Variants in VPS4B observed in about 807,000 individuals in gnomAD.
VPS4B encodes the protein vacuolar protein sorting-associated protein 4B.
VPS4B carries 23 observed loss-of-function variants against 56.1 expected under a neutral mutation model. That is an observed-to-expected ratio of 0.41 (90% confidence interval 0.30 to 0.58). The LOEUF (loss-of-function observed/expected upper bound fraction) is 0.58, where lower values mean the gene tolerates loss of function less well. Among genes scored for constraint, VPS4B ranks in the 20% least tolerant of loss-of-function variants. The pLI is 0.29. For synonymous variants in VPS4B, 177 were observed against 186.0 expected (o/e 0.95, Z 0.39); for missense variants, 372 against 531.9 (o/e 0.70, Z 2.96).
chr18:63,410,176 C>T (rs1031754466), intron 3 of VPS4B, 114 bp downstream of exon 3: 5 of 1,368,366 alleles, frequency 3.7e-6, no homozygotes, highest in Non-Finnish European at 9.9e-7. Context: ...AAACAGGCAG[C>T]TGGGCAGCTT....
In VPS4B at chr18:63,399,220, G is replaced by A. The variant is rs1201437962; in HGVS notation, c.872+22C>T. 1.9e-6 allele frequency: 3 copies of A among 1,575,846 alleles called. No individual in the cohort carries two copies. The African/African-American group carries it at 4.1e-5, about 21-fold the overall frequency. On this transcript the variant is annotated intron_variant, in intron 8 of 10. Coordinates refer to ENST00000238497, the MANE Select transcript of VPS4B (RefSeq NM_004869.4). ...TTGTTACATCTGCAGTGAGAAATAA[G>A]ATATTTACTATATTATCCTACCTTC...
chr18:63,411,451 T>C lies in VPS4B; in HGVS notation c.139+16A>G, dbSNP rs1427405324. 3.4e-6 allele frequency: 5 copies of C among 1,472,334 alleles called. No individual in the cohort carries two copies. In the South Asian group the frequency reaches 7.1e-5, roughly 21 times the overall value. The allele number at this position is 1,472,334 out of a possible 1,614,324, so 91.2% of individuals were successfully genotyped here. ...CCTTTTCGTGTTTTTAAATAAAATA[T>C]AACCTATGGCCTCACATTTAACGAC... is the stretch of plus-strand genomic sequence containing the variant. On this transcript the variant is annotated intron_variant, in intron 2 of 10. Coordinates refer to ENST00000238497, the MANE Select transcript of VPS4B (RefSeq NM_004869.4).
At chr18:63,407,022 CCAT>C (rs1424311050) in intron 4 of VPS4B, among the ~76,000 whole-genome samples, 1 of 152,176 alleles carries the variant, frequency 6.6e-6, no homozygotes, top group African/African-American at 2.4e-5. Context: ...ACAAAATAAA[CCAT>C]CAATAAGTGA....
Position 63,397,176 on chromosome 18 carries a change from G to A in VPS4B, c.950C>T (p.Thr317Ile). Residue 317 changes from threonine (T) to isoleucine (I), a missense_variant, in exon 9 of 11, where the codon ACT becomes ATT. Transcript: ENST00000238497. Reference protein sequence around the residue: ...AAMFKLHLGTTQNSLTEADFR... With the variant: ...AAMFKLHLGTIQNSLTEADFR... ...GTCTGCTTCCGTGAGACTGTTCTGA[G>A]TGGTCCCTAGGTGCAGTTTAAACAT... The A allele has an allele frequency of 3.1e-6, 5 of 1,614,160 alleles. No homozygotes were observed. Among genetic ancestry groups the A allele is most frequent in the Non-Finnish European group, 4.2e-6 (5 of 1,180,042 alleles).
rs770775277 is a variant in VPS4B, at chr18:63,411,549, C to A, written c.57G>T (p.Ala19=). 2.4e-5 allele frequency: 38 copies of A among 1,600,526 alleles called. No individual in the cohort carries two copies. The highest frequency in any genetic ancestry group is 3.2e-5 in the Non-Finnish European group (37 of 1,172,864). The change falls in exon 2 of 11, where the codon GCG becomes GCT. Residue 19 remains alanine (A), a synonymous_variant. Coordinates refer to ENST00000238497, the MANE Select transcript of VPS4B (RefSeq NM_004869.4). ...QKAIDLASKA[A]QEDKAGNYEE... The stretch of plus-strand genomic sequence containing the variant: ...CGTAGTTCCCAGCCTTGTCTTCTTG[C>A]GCTGCTTTGCTAGCCAGATCTATCG...
At chr18:63,408,487 G>A (rs1342425015) in intron 3 of VPS4B, among the ~76,000 whole-genome samples, 4 of 152,094 alleles carry the variant, frequency 2.6e-5, no homozygotes, top group South Asian at 2.1e-4. Context: ...AAACCCTGCC[G>A]TTTCTCATCT....
chr18:63,395,172 T>C (rs1452721501), intron 9 of VPS4B, among the ~76,000 whole-genome samples: 2 of 152,184 alleles, frequency 1.3e-5, no homozygotes, highest in African/African-American at 2.4e-5. Context: ...TTCAGCGTCA[T>C]GTGAGCTCAC....
At position 63,396,995 on chromosome 18, in the gene VPS4B, A is replaced by G. The variant is rs1465980120; in HGVS notation, c.1092+39T>C. On this transcript the variant is annotated intron_variant, in intron 9 of 10. Transcript: ENST00000238497. ...ACAGAGTGAGACTGTCTCAAAAAAAAAAAAAAAAGATAGGAAAGGATAGAT... is the reference window on the plus strand; with the variant it reads ...ACAGAGTGAGACTGTCTCAAAAAAAGAAAAAAAAGATAGGAAAGGATAGAT... 3.8e-6 allele frequency: 6 copies of G among 1,594,750 alleles called. No homozygotes were observed. The South Asian group carries it at 6.7e-5, about 18-fold the overall frequency.
chr18:63,408,289 C>T (rs953483968), intron 3 of VPS4B, among the ~76,000 whole-genome samples: 1 of 151,818 alleles, frequency 6.6e-6, no homozygotes, highest in Non-Finnish European at 1.5e-5. Flanking sequence ...AAAACAATAA[C>T]ATATAAAGGG....
In VPS4B at chr18:63,393,567, C is replaced by A. The variant is rs1410189495; in HGVS notation, c.1093-18G>T. 3.2e-6 allele frequency: 5 copies of A among 1,552,286 alleles called. No individual in the cohort carries two copies. Among genetic ancestry groups the A allele is most frequent in the South Asian group, 1.2e-5 (1 of 80,444 alleles). On this transcript the variant is annotated intron_variant, in intron 9 of 10. Transcript: ENST00000238497. ...CCGCGAACCTGAAATAAACAGTAAT[C>A]TGAAATATGTATTTGAAACAAAATT... is the stretch of plus-strand genomic sequence containing the variant.
At chr18:63,406,016 T>A (rs1356133523) in intron 4 of VPS4B, among the ~76,000 whole-genome samples, 1 of 151,838 alleles carries the variant, frequency 6.6e-6, no homozygotes, top group Non-Finnish European at 1.5e-5. Context: ...AAAAAATGTA[T>A]CTTTTCGAAA....
intron 9 of VPS4B, among the ~76,000 whole-genome samples, chr18:63,393,763 C>T (rs1431172778): frequency 3.3e-5 from 5 of 151,364 alleles, no homozygotes; most frequent in Non-Finnish European, 5.9e-5. Flanking sequence ...TTTGAAAGGG[C>T]GTCTTGCTCT....
intron 8 of VPS4B, 91 bp downstream of exon 8, chr18:63,399,151 G>A (rs1003351452): frequency 2.5e-6 from 3 of 1,211,316 alleles, no homozygotes; most frequent in African/African-American, 3.0e-5. Context: ...TTGAAAAGTT[G>A]TTAGAATGCT....
chr18:63,397,226 C>G lies in VPS4B; in HGVS notation c.900G>C (p.Leu300Phe). Reference sequence around the variant, plus strand: ...TTGCTGCTCGGGCATGGGGTTCCGGCAAGGGAATATAAATTCGTTTCTCAA... The same window carrying G: ...TTGCTGCTCGGGCATGGGGTTCCGGGAAGGGAATATAAATTCGTTTCTCAA... ...RRFEKRIYIPLPEPHARAAMF... is the reference protein window; with the variant it reads ...RRFEKRIYIPFPEPHARAAMF... The change falls in exon 9 of 11, where the codon TTG becomes TTC. Residue 300 changes from leucine (L) to phenylalanine (F), a missense_variant. Transcript: ENST00000238497. 2 of 1,607,392 alleles carry G rather than the reference C, an allele frequency of 1.2e-6. No individual in the cohort carries two copies. Among genetic ancestry groups the G allele is most frequent in the Non-Finnish European group, 1.7e-6 (2 of 1,177,194 alleles).
chr18:63,396,863 G>A (rs560727173), intron 9 of VPS4B, 171 bp downstream of exon 9: 21 of 609,736 alleles, frequency 3.4e-5, no homozygotes, highest in Middle Eastern at 4.5e-4. Context: ...GGTGGCACAC[G>A]CCTGTAATTC....
intron 1 of VPS4B, among the ~76,000 whole-genome samples, chr18:63,416,717 C>T (rs1034742728): frequency 4.6e-5 from 7 of 152,156 alleles, no homozygotes; most frequent in South Asian, 2.1e-4. Context: ...GCCCTAGCTA[C>T]GTGTGGTTCT....
intron 1 of VPS4B, among the ~76,000 whole-genome samples, chr18:63,413,612 A>G (rs943567529): frequency 6.6e-6 from 1 of 152,118 alleles, no homozygotes; most frequent in African/African-American, 2.4e-5. Context: ...AAACATTCCA[A>G]CTGGGTTAAT....
At chr18:63,393,939 A>G (rs1185017228) in intron 9 of VPS4B, among the ~76,000 whole-genome samples, 1 of 151,996 alleles carries the variant, frequency 6.6e-6, no homozygotes, top group Non-Finnish European at 1.5e-5. Flanking sequence ...GGGTTTCACC[A>G]TGTTGGCCAA....
At chr18:63,405,823 A>C (rs1040702949) in intron 4 of VPS4B, among the ~76,000 whole-genome samples, 8 of 151,208 alleles carry the variant, frequency 5.3e-5, no homozygotes, top group East Asian at 1.9e-4. Context: ...AAACAAACAA[A>C]CAAAAAAAAA....
Sources: allele counts gnomAD v4.1 joint callset (sites outside exome capture counted in the v4.1 genomes callset), GRCh38; gene constraint gnomAD v4.1.1; transcripts MANE v1.5; gene names NCBI Gene and HGNC (gene_info 2026-07-23, HGNC 2026-07-21).